The following TBC1D4 variants were observed in gnomAD, a reference collection of about 807,000 sequenced individuals.
TBC1D4 encodes the protein TBC1 domain family member 4.
A neutral mutation model predicts 142.5 loss-of-function variants in TBC1D4; 121 were observed. The ratio of observed to expected loss-of-function variants is 0.85; its 90% confidence interval spans 0.73 to 0.99. TBC1D4 has a LOEUF of 0.99. Among genes scored for constraint, TBC1D4 ranks in the 50% least tolerant of loss-of-function variants. The probability of loss-of-function intolerance (pLI) is 0.00; values close to 1 mark genes in which losing one functional copy is unlikely to be tolerated. For synonymous variants in TBC1D4, 630 were observed against 628.2 expected (o/e 1.00, Z -0.04); for missense variants, 1,475 against 1,606.6 (o/e 0.92, Z 1.40).
intron 1 of TBC1D4, among the ~76,000 whole-genome samples, chr13:75,478,100 G>A (rs943883688): frequency 1.3e-5 from 2 of 152,166 alleles, no homozygotes; most frequent in Non-Finnish European, 2.9e-5. Flanking sequence ...ACCCCCAAGC[G>A]ATTAGTACAG....
intron 1 of TBC1D4, among the ~76,000 whole-genome samples, chr13:75,404,551 T>C (rs912576875): frequency 6.6e-6 from 1 of 152,174 alleles, no homozygotes; most frequent in African/African-American, 2.4e-5. Flanking sequence ...ATTTATCTGA[T>C]GTTTTTCTCA....
Position 75,312,913 on chromosome 13 carries a change from T to C in TBC1D4, c.2223-15A>G, listed in dbSNP as rs1303168399. The C allele has an allele frequency of 1.2e-6, 2 of 1,613,846 alleles. No homozygotes were observed. Among genetic ancestry groups the C allele is most frequent in the Admixed American group, 3.3e-5 (2 of 59,982 alleles). On this transcript the variant is annotated splice_polypyrimidine_tract_variant and intron_variant, in intron 12 of 20. Transcript: ENST00000377636. ...CTTCTCCATCACTGTTGAAAGCAAA[T>C]AAACATATCACTTATAAGGAGAGCT...
intron 1 of TBC1D4, among the ~76,000 whole-genome samples, chr13:75,418,451 A>G (rs1886016157): frequency 6.6e-6 from 1 of 152,174 alleles, no homozygotes. Context: ...TTCCAGCTGA[A>G]AAAGGGGGAA....
At chr13:75,461,294 G>A (rs1351278545) in intron 1 of TBC1D4, among the ~76,000 whole-genome samples, 2 of 152,042 alleles carry the variant, frequency 1.3e-5, no homozygotes, top group African/African-American at 4.8e-5. Context: ...TGCAAGTAAG[G>A]GCTTAAGAGA....
rs181879911 is a variant in TBC1D4 at position 75,300,575 on chromosome 13, A to G, written c.2912-1001T>C. Among the ~76,000 whole-genome samples the G allele has an allele frequency of 6.5e-3, 995 of 152,346 alleles. 15 individuals carry two copies. Among genetic ancestry groups the G allele is most frequent in the African/African-American group, 0.022 (917 of 41,574 alleles). Reference sequence around the variant, plus strand: ...AGCCAGTAAGAGGAAGATATGAGAAAATAACAATTGCATGCTGAAGAAACA... The same window carrying G: ...AGCCAGTAAGAGGAAGATATGAGAAGATAACAATTGCATGCTGAAGAAACA... On this transcript the variant is annotated intron_variant, in intron 16 of 20. Transcript: ENST00000377636.
intron 19 of TBC1D4, among the ~76,000 whole-genome samples, chr13:75,291,133 C>G (rs1875257123): frequency 6.6e-6 from 1 of 152,158 alleles, no homozygotes; most frequent in South Asian, 2.1e-4. Flanking sequence ...CTTCTCAGAT[C>G]AATTCTCTGC....
intron 1 of TBC1D4, among the ~76,000 whole-genome samples, chr13:75,425,294 C>A (rs951382576): frequency 6.6e-6 from 1 of 152,044 alleles, no homozygotes; most frequent in African/African-American, 2.4e-5. Context: ...ACGCCTCACA[C>A]CTGTTGGAAT....
At chr13:75,378,016 T>A (rs1883618969) in intron 1 of TBC1D4, among the ~76,000 whole-genome samples, 1 of 152,122 alleles carries the variant, frequency 6.6e-6, no homozygotes, top group Admixed American at 6.5e-5. Flanking sequence ...TTCAAAGCCA[T>A]AAATTACAAT....
intron 1 of TBC1D4, among the ~76,000 whole-genome samples, chr13:75,427,909 A>G (rs560406713): frequency 1.3e-5 from 2 of 152,362 alleles, no homozygotes; most frequent in East Asian, 3.9e-4. Flanking sequence ...TGAACTATAC[A>G]TGATGGATTT....
At chr13:75,296,029 A>T (rs1359375570) in intron 17 of TBC1D4, among the ~76,000 whole-genome samples, 1 of 152,164 alleles carries the variant, frequency 6.6e-6, no homozygotes, top group East Asian at 1.9e-4. Context: ...AAAAATCAAC[A>T]GACTCCTTTG....
intron 18 of TBC1D4, among the ~76,000 whole-genome samples, chr13:75,293,963 A>G (rs183948730): frequency 2.6e-5 from 4 of 152,336 alleles, no homozygotes; most frequent in African/African-American, 7.2e-5. Context: ...ACAGAAGTGC[A>G]GTTGTGAGTG....
chr13:75,432,494 G>T (rs12867411), intron 1 of TBC1D4, among the ~76,000 whole-genome samples: 6,146 of 152,134 alleles, frequency 0.04, 190 homozygotes, highest in Non-Finnish European at 0.063. Context: ...AAGCACTGGG[G>T]ACTAGGAAGA....
At chr13:75,389,743 C>T (rs1359782133) in intron 1 of TBC1D4, among the ~76,000 whole-genome samples, 1 of 152,100 alleles carries the variant, frequency 6.6e-6, no homozygotes, top group Admixed American at 6.5e-5. Flanking sequence ...AAAATCACAA[C>T]CAATTATGGT....
rs1328911435 is a variant in TBC1D4 at position 75,292,225 on chromosome 13, G to A, written c.3363C>T (p.Leu1121=). Residue 1121 remains leucine (L), a synonymous_variant, in exon 19 of 21, where the codon CTC becomes CTT. Coordinates refer to ENST00000377636, the MANE Select transcript of TBC1D4 (RefSeq NM_014832.5). ...QGTEVIFKVA[L]SLLSSQETLI... ...GTGTCTCTTGGCTGCTCAGTAGGCT[G>A]AGTGCAACCTTGAATATAACTTCAG... 1.2e-6 allele frequency: 2 copies of A among 1,613,188 alleles called. No homozygotes were observed. The highest frequency in any genetic ancestry group is 4.5e-5 in the East Asian group (2 of 44,810).
chr13:75,440,429 A>G (rs1886988176), intron 1 of TBC1D4, among the ~76,000 whole-genome samples: 1 of 152,132 alleles, frequency 6.6e-6, no homozygotes, highest in Non-Finnish European at 1.5e-5. Context: ...AAATTTTAGA[A>G]GGAAAAAAAA....
chr13:75,471,736 CAA>C (rs67975515), intron 1 of TBC1D4, among the ~76,000 whole-genome samples: 319 of 137,358 alleles, frequency 2.3e-3, no homozygotes, highest in Middle Eastern at 3.8e-3. Context: ...GAGACTGTCT[CAA>C]AAAAAAAAAA....
chr13:75,314,774 A>G (rs886532446), intron 12 of TBC1D4, among the ~76,000 whole-genome samples: 3 of 144,606 alleles, frequency 2.1e-5, no homozygotes, highest in African/African-American at 7.7e-5. Context: ...CAAGAGTAGC[A>G]TGGCCAACAT....
In TBC1D4 at chr13:75,283,652, T is replaced by C. The variant is rs1874463320; in HGVS notation, c.*3140A>G. Among the ~76,000 whole-genome samples the C allele has an allele frequency of 6.6e-6, 1 of 152,218 alleles. No homozygotes were observed. Among genetic ancestry groups the C allele is most frequent in the Non-Finnish European group, 1.5e-5 (1 of 68,046 alleles). ...AAAATTTTGTATTTTCTTGTGGCTC[T>C]CTCTCCCTTGCTATCTATGAGGGGG... On this transcript the variant is annotated 3_prime_UTR_variant, in exon 21 of 21. Transcript: ENST00000377636.
At chr13:75,480,194 A>G (rs922815042) in intron 1 of TBC1D4, among the ~76,000 whole-genome samples, 2 of 152,240 alleles carry the variant, frequency 1.3e-5, no homozygotes, top group African/African-American at 4.8e-5. Context: ...CCATATTTAT[A>G]GGATGTTTTT....
Sources: gnomAD v4.1 joint callset for allele counts (sites outside exome capture counted in the v4.1 genomes callset) on GRCh38, gnomAD v4.1.1 for gene constraint, MANE v1.5 for transcripts, NCBI Gene and HGNC (gene_info 2026-07-23, HGNC 2026-07-21) for gene names.